PABIR2: variants seen among roughly 807,000 people sequenced by gnomAD.
PABIR2 encodes family with sequence similarity 122B.
In PABIR2, 7 loss-of-function variants were observed where a neutral mutation model predicts 22.8. The observed-to-expected ratio is 0.31, with a 90% CI of 0.17 to 0.58. The LOEUF is 0.58. PABIR2 is among the 20% of genes least tolerant of loss of function. The pLI is 0.89. For missense variants in PABIR2, 155 were observed against 205.1 expected, an observed-to-expected ratio of 0.76 and a Z score of 1.49; for synonymous variants, 67 against 73.8, an observed-to-expected ratio of 0.91 and a Z score of 0.47.
chrX:134,793,676 ATAAGCAG>A, intron 2 of PABIR2, 132 bp downstream of exon 2: 1 of 784,854 alleles, frequency 1.3e-6, no homozygotes, highest in Non-Finnish European at 1.9e-6. Flanking sequence ...TGGCCACAGC[ATAAGCAG>A]TAAACAACAT....
At position 134,772,144 on chromosome X, in the gene PABIR2, T is replaced by G; in HGVS notation, c.799A>C (p.Lys267Gln). The change falls in exon 10 of 10, where the codon AAG (lysine) becomes CAG (glutamine). Residue 267 changes from lysine (K) to glutamine (Q), a missense_variant. Coordinates refer to ENST00000343004, the MANE Select transcript of PABIR2 (RefSeq NM_001387468.1). ...SFILMDDLSP[K>Q] ...TTGAATCAGAAATGGTTAAGTCACT[T>G]GGGTGAGAGATCATCCATCAAGATG... 8.4e-7 allele frequency: 1 copy of G among 1,196,167 alleles called. No individual in the cohort carries two copies.
intron 1 of PABIR2, among the ~76,000 whole-genome samples, chrX:134,795,833 C>T (rs1464520267): frequency 3.6e-5 from 4 of 111,569 alleles, no homozygotes; most frequent in Admixed American, 2.8e-4. Context: ...GGCAAGCAAC[C>T]TGTCAGAAGA....
chrX:134,774,641 AG>A (rs1326357416), intron 9 of PABIR2, among the ~76,000 whole-genome samples: 1 of 111,182 alleles, frequency 9.0e-6, no homozygotes, highest in Non-Finnish European at 1.9e-5. Flanking sequence ...ATTGAGGAGC[AG>A]AAAAAAAAAG....
chrX:134,781,886 T>C lies in PABIR2; in HGVS notation c.594A>G (p.Arg198=), dbSNP rs1320785821. The change falls in exon 9 of 10, where the codon AGA becomes AGG. Residue 198 remains arginine, a synonymous_variant. Coordinates refer to ENST00000343004, the MANE Select transcript of PABIR2 (RefSeq NM_001387468.1). ...GEMETESQPK[R]LFQGTTNMLS... ...ACATATTGGTAGTGCCTTGGAAGAGTCTCTTGGGCTGACTTTCTGTCTCCA... is the reference window on the plus strand; with the variant it reads ...ACATATTGGTAGTGCCTTGGAAGAGCCTCTTGGGCTGACTTTCTGTCTCCA... 4.2e-6 allele frequency: 5 copies of C among 1,200,868 alleles called. No homozygotes were observed.
chrX:134,789,429 G>T, intron 3 of PABIR2, 151 bp downstream of exon 3: 1 of 829,529 alleles, frequency 1.2e-6, no homozygotes, highest in Non-Finnish European at 1.8e-6. Context: ...CATTCATGCC[G>T]CTTGTATATT....
intron 9 of PABIR2, among the ~76,000 whole-genome samples, chrX:134,777,603 G>A (rs1254648013): frequency 1.8e-5 from 2 of 109,106 alleles, no homozygotes; most frequent in African/African-American, 6.7e-5. Flanking sequence ...TTGGGAGGCC[G>A]AGGCGGGTGG....
chrX:134,779,355 G>T (rs1359610288), intron 9 of PABIR2, among the ~76,000 whole-genome samples: 3 of 111,517 alleles, frequency 2.7e-5, no homozygotes, highest in African/African-American at 9.8e-5. Flanking sequence ...GAACCCAGGA[G>T]GCGGAGGTTG....
chrX:134,771,644 A>G lies in PABIR2; in HGVS notation c.*495T>C. The stretch of plus-strand genomic sequence containing the variant: ...TAATGTACTTGAAGCTGATGCAGAA[A>G]AATAAAAATTTAATATAATTAAAAG... On this transcript the variant is annotated 3_prime_UTR_variant, in exon 10 of 10. Transcript: ENST00000343004. 1.2e-6 allele frequency: 1 copy of G among 818,105 alleles called. No homozygotes were observed. Among genetic ancestry groups the G allele is most frequent in the African/African-American group, 2.2e-5 (1 of 46,489 alleles). The allele number at this position is 818,105 out of a possible 1,213,427, so 67.4% of individuals were successfully genotyped here.
At chrX:134,785,152 G>A (rs1034573193) in intron 8 of PABIR2, among the ~76,000 whole-genome samples, 2 of 111,811 alleles carry the variant, frequency 1.8e-5, no homozygotes, top group African/African-American at 6.5e-5. Flanking sequence ...AGAAAATATA[G>A]ATGTATCAAA....
chrX:134,794,314 G>A (rs937910000), intron 1 of PABIR2, among the ~76,000 whole-genome samples: 1 of 111,860 alleles, frequency 8.9e-6, no homozygotes, highest in Non-Finnish European at 1.9e-5. Flanking sequence ...TCTACAATAT[G>A]AGCTGGATCA....
rs1240406737 is a variant in PABIR2, at chrX:134,770,753, G to C, written c.*1386C>G. The C allele has an allele frequency of 2.7e-5, 3 of 112,766 alleles. No individual in the cohort carries two copies. Among genetic ancestry groups the C allele is most frequent in the East Asian group, 2.8e-4 (1 of 3,619 alleles). The allele number at this position is 112,766 out of a possible 1,213,427, so 9.3% of individuals were successfully genotyped here. On this transcript the variant is annotated 3_prime_UTR_variant, in exon 10 of 10. Transcript: ENST00000343004. Reference sequence around the variant, plus strand: ...ATAACGTAACAATAGATCACACTCAGATTTCTTAAACAGCTCACTCAGGAG... The same window carrying C: ...ATAACGTAACAATAGATCACACTCACATTTCTTAAACAGCTCACTCAGGAG...
chrX:134,784,887 C>A (rs954774560), intron 8 of PABIR2, among the ~76,000 whole-genome samples: 4 of 111,243 alleles, frequency 3.6e-5, no homozygotes, highest in African/African-American at 1.3e-4. Flanking sequence ...ACTGAGAGCA[C>A]CCTGTTATAT....
chrX:134,790,625 C>T (rs1212298101), intron 2 of PABIR2, among the ~76,000 whole-genome samples: 2 of 112,138 alleles, frequency 1.8e-5, no homozygotes, highest in Admixed American at 9.4e-5. Flanking sequence ...CTGCAACTTC[C>T]GCCTCCCAGG....
Position 134,771,258 on chromosome X carries a change from T to A in PABIR2, c.*881A>T, listed in dbSNP as rs1009865628. On this transcript the variant is annotated 3_prime_UTR_variant, in exon 10 of 10. Transcript: ENST00000343004. ...ACACTGACAGCTCCATGGACGCTTT[T>A]GTACACAGTGGTTTGTGTGTAAATA... is the stretch of plus-strand genomic sequence containing the variant. The A allele has an allele frequency of 4.4e-6, 5 of 1,144,070 alleles. No homozygotes were observed. The highest frequency in any genetic ancestry group is 5.4e-5 in the Admixed American group (2 of 36,815). 94.3% of individuals were successfully genotyped at this position (1,144,070 alleles called of 1,213,427 possible).
chrX:134,773,771 A>T (rs2078894900), intron 9 of PABIR2, among the ~76,000 whole-genome samples: 1 of 112,096 alleles, frequency 8.9e-6, no homozygotes, highest in African/African-American at 3.2e-5. Flanking sequence ...CCTTTGAAAA[A>T]GCCCATTCCA....
rs754120362 is a variant in PABIR2, at chrX:134,770,313, T to C, written c.*1826A>G. The C allele has an allele frequency of 1.8e-5, 2 of 112,554 alleles. No individual in the cohort carries two copies. Among genetic ancestry groups the C allele is most frequent in the South Asian group, 3.7e-4 (1 of 2,722 alleles). 9.3% of individuals were successfully genotyped at this position (112,554 alleles called of 1,213,427 possible). ...GCATACTAGGGGACAAGCTTCATAATAGATTTATGTTACGTTTGAAGAAGT... is the reference window on the plus strand; with the variant it reads ...GCATACTAGGGGACAAGCTTCATAACAGATTTATGTTACGTTTGAAGAAGT... On this transcript the variant is annotated 3_prime_UTR_variant, in exon 10 of 10. Transcript: ENST00000343004.
chrX:134,789,075 C>T lies in PABIR2; in HGVS notation c.333+10G>A. On this transcript the variant is annotated intron_variant, in intron 5 of 9. Transcript: ENST00000343004. ...AAAATGAAAACCAAACAGACATGAG[C>T]AAACTTTACCAGGCTCAAGCTCTCA... 1 of 1,211,594 alleles carries T rather than the reference C, an allele frequency of 8.3e-7. No individual in the cohort carries two copies. Among genetic ancestry groups the T allele is most frequent in the Non-Finnish European group, 1.1e-6 (1 of 895,366 alleles).
intron 2 of PABIR2, among the ~76,000 whole-genome samples, chrX:134,790,194 A>G (rs1048076437): frequency 8.9e-6 from 1 of 112,417 alleles, no homozygotes; most frequent in African/African-American, 3.2e-5. Context: ...AACAAAAAAC[A>G]ATTTGGAAAG....
At position 134,772,231 on chromosome X, in the gene PABIR2, G is replaced by A; in HGVS notation, c.712C>T (p.Leu238=). ...TCTGCGGTAGCGCTGCCTTTAGCCA[G>A]CGGGTCTGAGGATAAGCCACTGCTG... The part of the protein sequence containing the change: ...SSSSGLSSDP[L]AKGSATAESP... The change falls in exon 10 of 10, where the codon CTG becomes TTG. Residue 238 remains leucine, a synonymous_variant. Transcript: ENST00000343004. The A allele has an allele frequency of 8.3e-7, 1 of 1,205,757 alleles. No homozygotes were observed. Among genetic ancestry groups the A allele is most frequent in the Non-Finnish European group, 1.1e-6 (1 of 891,518 alleles).
Sources: allele counts gnomAD v4.1 joint callset (sites outside exome capture counted in the v4.1 genomes callset), GRCh38; gene constraint gnomAD v4.1.1; transcripts MANE v1.5; gene names NCBI Gene and HGNC (gene_info 2026-07-23, HGNC 2026-07-21).